The following WDFY4 variants were observed in gnomAD, a reference collection of about 807,000 sequenced individuals.
WDFY4 encodes WD repeat- and FYVE domain-containing protein 4.
A neutral mutation model predicts 351.9 loss-of-function variants in WDFY4; 169 were observed. That is an observed-to-expected ratio of 0.48 (90% confidence interval 0.42 to 0.55). WDFY4 has a LOEUF of 0.55. Among genes scored for constraint, WDFY4 ranks in the 20% least tolerant of loss-of-function variants. The pLI is 0.00. For missense variants in WDFY4, 3,803 were observed against 3,935.6 expected, an observed-to-expected ratio of 0.97 and a Z score of 0.90; for synonymous variants, 1,622 against 1,574.6, an observed-to-expected ratio of 1.03 and a Z score of -0.71.
rs1434584151 is a variant in WDFY4 at position 48,729,256 on chromosome 10, G to T, written c.972-176G>T. ...TTCTTTGGATCTAAGACTGACATCTGCAGAGTGGTGTTTATCCAGGGCGCT... is the reference window on the plus strand; with the variant it reads ...TTCTTTGGATCTAAGACTGACATCTTCAGAGTGGTGTTTATCCAGGGCGCT... On this transcript the variant is annotated intron_variant, in intron 7 of 61. Transcript: ENST00000325239. Among the ~76,000 whole-genome samples, 6 of 152,356 alleles carry T rather than the reference G, an allele frequency of 3.9e-5. No homozygotes were observed. In the East Asian group the frequency reaches 1.2e-3, roughly 29 times the overall value.
At chr10:48,929,763 C>T in intron 47 of WDFY4, among the ~76,000 whole-genome samples, 1 of 152,200 alleles carries the variant, frequency 6.6e-6, no homozygotes, top group Non-Finnish European at 1.5e-5. Flanking sequence ...AAGCCCAGCT[C>T]CCAGCCAGCT....
intron 10 of WDFY4, among the ~76,000 whole-genome samples, chr10:48,735,459 A>T (rs2064624745): frequency 1.3e-5 from 2 of 152,174 alleles, no homozygotes; most frequent in Admixed American, 1.3e-4. Context: ...GGAGAGGTAG[A>T]TCTAGTTAAA....
At chr10:48,822,318 G>A in intron 34 of WDFY4, 62 bp from the exon 35 acceptor site, 1 of 1,456,024 alleles carries the variant, frequency 6.9e-7, no homozygotes, top group Non-Finnish European at 9.1e-7. Context: ...AGGGGGCTTG[G>A]AGATTGTCAT....
At chr10:48,734,942 A>ATTTTTTTTTTTTTTTTTTTTT (rs3079302) in intron 10 of WDFY4, among the ~76,000 whole-genome samples, 1 of 123,330 alleles carries the variant, frequency 8.1e-6, no homozygotes, top group Non-Finnish European at 1.6e-5. Context: ...TGCACGGCTA[A>ATTTTTTTTTTTTTTTTTTTTT]TTTTTTTTTT....
chr10:48,962,509 C>T (rs958515027), intron 53 of WDFY4, among the ~76,000 whole-genome samples: 2 of 152,160 alleles, frequency 1.3e-5, no homozygotes, highest in Admixed American at 6.5e-5. Flanking sequence ...ACTGTGATAT[C>T]GAGACACTGG....
At chr10:48,802,117 G>A (rs2067107251) in intron 24 of WDFY4, among the ~76,000 whole-genome samples, 1 of 151,876 alleles carries the variant, frequency 6.6e-6, no homozygotes, top group African/African-American at 2.4e-5. Flanking sequence ...GCTCACACCT[G>A]TAATCCTAGC....
chr10:48,803,386 G>T (rs1300001528), intron 25 of WDFY4, 27 bp downstream of exon 25: 2 of 1,549,536 alleles, frequency 1.3e-6, no homozygotes, highest in South Asian at 1.2e-5. Flanking sequence ...CAGCCTGGGG[G>T]TTAGAACTGA....
intron 1 of WDFY4, among the ~76,000 whole-genome samples, chr10:48,691,710 G>A (rs1454966316): frequency 2.6e-5 from 4 of 152,198 alleles, no homozygotes; most frequent in African/African-American, 9.7e-5. Context: ...TCTCAGTAGC[G>A]CTCTAATATC....
chr10:48,811,621 C>A lies in WDFY4; in HGVS notation c.5127C>A (p.Ala1709=). The A allele has an allele frequency of 6.4e-7, 1 of 1,551,968 alleles. No homozygotes were observed. ...PGFRVLNDFL[A]HHVHIPEVYL... ...TCCGTGTCTTGAATGACTTTCTGGCCCACCACGTCCACATTCCAGAGGTCT... is the reference window on the plus strand; with the variant it reads ...TCCGTGTCTTGAATGACTTTCTGGCACACCACGTCCACATTCCAGAGGTCT... The change falls in exon 30 of 62, where the codon GCC becomes GCA. Residue 1709 remains alanine, a synonymous_variant. Coordinates refer to ENST00000325239, the MANE Select transcript of WDFY4 (RefSeq NM_001394531.1).
At position 48,817,313 on chromosome 10, in the gene WDFY4, C is replaced by T; in HGVS notation, c.5409C>T (p.Ser1803=). The T allele has an allele frequency of 6.4e-7, 1 of 1,551,730 alleles. No individual in the cohort carries two copies. Among genetic ancestry groups the T allele is most frequent in the African/African-American group, 1.4e-5 (1 of 73,196 alleles). ...TFPASVLQFL[S]LVHRTYPQDP... ...CGGCCAGCGTGCTGCAGTTCCTCAG[C>T]CTCGTCCACCGCACCTACCCCCAGG... Residue 1803 remains serine (S), a synonymous_variant, in exon 32 of 62, where the codon AGC becomes AGT. Transcript: ENST00000325239.
chr10:48,944,695 T>C (rs1425275770), intron 49 of WDFY4, among the ~76,000 whole-genome samples: 1 of 152,224 alleles, frequency 6.6e-6, no homozygotes, highest in Non-Finnish European at 1.5e-5. Flanking sequence ...GCACTAATGG[T>C]CCATCGGAGG....
chr10:48,703,223 T>C (rs1191845734), intron 1 of WDFY4, among the ~76,000 whole-genome samples: 1 of 152,044 alleles, frequency 6.6e-6, no homozygotes, highest in Admixed American at 6.5e-5. Context: ...AGGCCAAGAC[T>C]CTGCTGAAAA....
intron 1 of WDFY4, among the ~76,000 whole-genome samples, chr10:48,698,452 T>C (rs1227550126): frequency 6.6e-6 from 1 of 152,168 alleles, no homozygotes; most frequent in African/African-American, 2.4e-5. Context: ...CATGAAATGC[T>C]CTTTCTGAGC....
intron 1 of WDFY4, among the ~76,000 whole-genome samples, chr10:48,699,584 C>T (rs776099774): frequency 4.6e-5 from 7 of 152,132 alleles, no homozygotes; most frequent in Non-Finnish European, 1.0e-4. Context: ...CTGCTCCCAG[C>T]CTCAGTTTCC....
At chr10:48,731,694 GAC>G (rs2064465868) in intron 9 of WDFY4, 132 bp downstream of exon 9, 10 of 1,123,774 alleles carry the variant, frequency 8.9e-6, no homozygotes, top group Non-Finnish European at 1.2e-5. Context: ...GTATGCTTGG[GAC>G]ACACAGTTTC....
chr10:48,776,661 G>A (rs1763242913), intron 15 of WDFY4, 89 bp from the exon 16 acceptor site: 1 of 1,268,220 alleles, frequency 7.9e-7, no homozygotes, highest in Non-Finnish European at 1.1e-6. Flanking sequence ...CTCTTTCTGG[G>A]CTGCGGCAGA....
rs558049540 is a variant in WDFY4 at position 48,959,490 on chromosome 10, C to G, written c.8132-232C>G. Among the ~76,000 whole-genome samples the G allele has an allele frequency of 2.6e-5, 4 of 152,332 alleles. No homozygotes were observed. The South Asian group carries it at 8.3e-4, about 32-fold the overall frequency. On this transcript the variant is annotated intron_variant, in intron 52 of 61. Transcript: ENST00000325239. ...TTTCAGATGACTTGCAAAGCAAGCA[C>G]TAGCACTGCCTGGGAAGCAAGGAGG...
intron 57 of WDFY4, among the ~76,000 whole-genome samples, chr10:48,971,660 T>G (rs767594424): frequency 1.3e-5 from 2 of 152,180 alleles, no homozygotes; most frequent in Non-Finnish European, 2.9e-5. Flanking sequence ...ACCGTGTCCT[T>G]GTCTCCTGGT....
intron 39 of WDFY4, among the ~76,000 whole-genome samples, chr10:48,842,602 A>G (rs563618887): frequency 3.3e-5 from 5 of 152,316 alleles, no homozygotes; most frequent in African/African-American, 9.6e-5. Flanking sequence ...TGATGCTTAA[A>G]CCGGATGATG....
Sources: allele counts gnomAD v4.1 joint callset (sites outside exome capture counted in the v4.1 genomes callset), GRCh38; gene constraint gnomAD v4.1.1; transcripts MANE v1.5; gene names NCBI Gene and HGNC (gene_info 2026-07-23, HGNC 2026-07-21).